Variants in LPAR1 observed in about 807,000 individuals in gnomAD.
LPAR1 encodes the protein lysophosphatidic acid receptor 1.
A neutral mutation model predicts 23.8 loss-of-function variants in LPAR1; 5 were observed. That is an observed-to-expected ratio of 0.21 (90% CI 0.11 to 0.44). LPAR1 has a LOEUF of 0.44. Ranked by LOEUF, LPAR1 falls within the 20% of genes least tolerant of loss-of-function variation. The pLI, the probability that LPAR1 is intolerant of heterozygous loss-of-function variation, is 0.99. For synonymous variants in LPAR1, 160 were observed against 164.7 expected, an observed-to-expected ratio of 0.97 and a Z score of 0.22; for missense variants, 311 against 482.8, an observed-to-expected ratio of 0.64 and a Z score of 3.33.
At chr9:110,932,446 A>T (rs2094468930) in intron 5 of LPAR1, among the ~76,000 whole-genome samples, 1 of 152,238 alleles carries the variant, frequency 6.6e-6, no homozygotes, top group Admixed American at 6.5e-5. Context: ...AGAGAACAGC[A>T]ATCAGGTCTC....
Position 110,942,043 on chromosome 9 carries a change from G to A in LPAR1, c.171C>T (p.Ile57=), listed in dbSNP as rs2095138502. The A allele has an allele frequency of 6.2e-7, 1 of 1,614,196 alleles. No homozygotes were observed. The highest frequency in any genetic ancestry group is 1.6e-4 in the Middle Eastern group (1 of 6,062). The change falls in exon 5 of 6, where the codon ATC becomes ATT. Residue 57 remains isoleucine, a synonymous_variant. Coordinates refer to ENST00000683809, the MANE Select transcript of LPAR1 (RefSeq NM_001351411.2). The part of the protein sequence containing the change: ...TVSKLVMGLG[I]TVCIFIMLAN... Reference sequence around the variant, plus strand: ...CCAACATGATGAAGATACAAACAGTGATTCCAAGTCCCATCACCAGCTTGC... The same window carrying A: ...CCAACATGATGAAGATACAAACAGTAATTCCAAGTCCCATCACCAGCTTGC...
At chr9:111,027,692 C>A (rs1218781981) in intron 2 of LPAR1, among the ~76,000 whole-genome samples, 3 of 151,532 alleles carry the variant, frequency 2.0e-5, no homozygotes, top group Non-Finnish European at 1.5e-5. Context: ...TCAAAGTTGA[C>A]CTTTGAGTTA....
At chr9:110,924,170 T>C (rs1248607085) in intron 5 of LPAR1, among the ~76,000 whole-genome samples, 1 of 151,550 alleles carries the variant, frequency 6.6e-6, no homozygotes, top group Non-Finnish European at 1.5e-5. Flanking sequence ...TAACAATAAG[T>C]CATTATGATT....
intron 2 of LPAR1, among the ~76,000 whole-genome samples, chr9:111,015,961 T>C (rs1163310464): frequency 1.3e-5 from 2 of 151,920 alleles, no homozygotes; most frequent in African/African-American, 2.4e-5. Flanking sequence ...TACTTCTGGC[T>C]TAGGCTATAA....
chr9:110,901,795 A>C (rs892884183), intron 5 of LPAR1, among the ~76,000 whole-genome samples: 1 of 152,134 alleles, frequency 6.6e-6, no homozygotes, highest in Non-Finnish European at 1.5e-5. Flanking sequence ...AGTTTTGTTT[A>C]CAGGGAACTA....
chr9:110,981,506 G>A (rs1420704581), intron 2 of LPAR1, among the ~76,000 whole-genome samples: 2 of 150,900 alleles, frequency 1.3e-5, no homozygotes, highest in Non-Finnish European at 2.9e-5. Context: ...AAAAGTGATA[G>A]CTAACATTGT....
At chr9:110,970,476 C>T (rs959727668) in intron 4 of LPAR1, among the ~76,000 whole-genome samples, 7 of 152,126 alleles carry the variant, frequency 4.6e-5, no homozygotes, top group Middle Eastern at 3.4e-3. Flanking sequence ...ATGCGTATGA[C>T]GATGGTAACA....
At chr9:110,956,598 GA>G (rs200768135) in intron 4 of LPAR1, among the ~76,000 whole-genome samples, 29 of 148,476 alleles carry the variant, frequency 2.0e-4, no homozygotes, top group African/African-American at 4.7e-4. Context: ...AATTAGAAAT[GA>G]AAAAAAAAGC....
chr9:111,021,082 T>C (rs900305689), intron 2 of LPAR1, among the ~76,000 whole-genome samples: 1 of 152,118 alleles, frequency 6.6e-6, no homozygotes, highest in Non-Finnish European at 1.5e-5. Context: ...AAAAAAATAA[T>C]GTTGAAATGT....
At chr9:110,908,859 G>T (rs2091891049) in intron 5 of LPAR1, among the ~76,000 whole-genome samples, 1 of 152,198 alleles carries the variant, frequency 6.6e-6, no homozygotes, top group Non-Finnish European at 1.5e-5. Flanking sequence ...CCAATCAGAT[G>T]CCAGGGAAGT....
chr9:110,983,234 C>G (rs1241002271), intron 2 of LPAR1, among the ~76,000 whole-genome samples: 1 of 152,010 alleles, frequency 6.6e-6, no homozygotes, highest in Non-Finnish European at 1.5e-5. Flanking sequence ...GCACTATCTA[C>G]AAGAGCCAAG....
intron 2 of LPAR1, among the ~76,000 whole-genome samples, chr9:111,029,655 T>C (rs1219089457): frequency 1.3e-5 from 2 of 152,118 alleles, no homozygotes; most frequent in East Asian, 3.9e-4. Context: ...GTTTACCGTA[T>C]TCATCACTAC....
intron 4 of LPAR1, among the ~76,000 whole-genome samples, chr9:110,950,142 T>C (rs1235305427): frequency 9.5e-6 from 1 of 105,550 alleles, no homozygotes; most frequent in Non-Finnish European, 1.8e-5. Context: ...ATGACATGAA[T>C]GTCATATTTA....
intron 2 of LPAR1, among the ~76,000 whole-genome samples, chr9:111,009,983 T>A (rs991693779): frequency 5.6e-5 from 8 of 142,278 alleles, no homozygotes; most frequent in African/African-American, 2.1e-4. Context: ...TCATTTCTCA[T>A]TTCATAATTA....
At chr9:110,960,052 A>G (rs926892880) in intron 4 of LPAR1, among the ~76,000 whole-genome samples, 1 of 152,188 alleles carries the variant, frequency 6.6e-6, no homozygotes, top group African/African-American at 2.4e-5. Flanking sequence ...ACAAACATAC[A>G]GTTAGATAGA....
intron 2 of LPAR1, among the ~76,000 whole-genome samples, chr9:110,991,165 C>T (rs2096885392): frequency 3.9e-5 from 6 of 152,274 alleles, no homozygotes; most frequent in Admixed American, 3.3e-4. Flanking sequence ...GTGTACTTTG[C>T]GTAAGCAAAG....
At chr9:111,012,469 GCACACACACACACACA>G (rs3030186) in intron 2 of LPAR1, among the ~76,000 whole-genome samples, 3 of 149,968 alleles carry the variant, frequency 2.0e-5, no homozygotes. Context: ...ACGCACGCGC[GCACACACACACACACA>G]CACACACACA....
chr9:111,020,456 G>A lies in LPAR1; in HGVS notation c.-182+15666C>T, dbSNP rs550128486. ...GTGTTGAGATTCCCTTGAACAATCA[G>A]CGAAGTTCAACTGATGCTTCCAACT... On this transcript the variant is annotated intron_variant, in intron 2 of 5. Transcript: ENST00000683809. Among the ~76,000 whole-genome samples, 5 of 152,290 alleles carry A rather than the reference G, an allele frequency of 3.3e-5. No homozygotes were observed. In the South Asian group the frequency reaches 1.0e-3, roughly 32 times the overall value.
intron 2 of LPAR1, among the ~76,000 whole-genome samples, chr9:111,009,649 T>C (rs142663581): frequency 6.6e-6 from 1 of 152,124 alleles, no homozygotes; most frequent in Non-Finnish European, 1.5e-5. Flanking sequence ...GAATCACTTT[T>C]ATAGTAAAAA....
Sources: allele counts gnomAD v4.1 joint callset (sites outside exome capture counted in the v4.1 genomes callset), GRCh38; gene constraint gnomAD v4.1.1; transcripts MANE v1.5; gene names NCBI Gene and HGNC (gene_info 2026-07-23, HGNC 2026-07-21).